TFDP2: variants seen among roughly 807,000 people sequenced by gnomAD.
TFDP2 encodes the protein transcription factor Dp-2 (E2F dimerization partner 2).
In TFDP2, 17 loss-of-function variants were observed where a neutral mutation model predicts 59.3. The observed-to-expected ratio is 0.29, with a 90% confidence interval of 0.20 to 0.43. The LOEUF (loss-of-function observed/expected upper bound fraction) is 0.43, where lower values mean the gene tolerates loss of function less well. TFDP2 is among the 20% of genes least tolerant of loss of function. The pLI is 1.00. For missense variants in TFDP2, 391 were observed against 528.8 expected (o/e 0.74, Z 2.56); for synonymous variants, 180 against 194.7 (o/e 0.92, Z 0.63).
chr3:142,069,256 G>A (rs143004048), intron 3 of TFDP2, among the ~76,000 whole-genome samples: 17 of 152,194 alleles, frequency 1.1e-4, no homozygotes, highest in Admixed American at 5.9e-4. Context: ...TTCTATATTT[G>A]TACATAGCCT....
intron 3 of TFDP2, among the ~76,000 whole-genome samples, chr3:142,006,540 GTCACTACAGGC>G (rs1005141149): frequency 2.0e-5 from 3 of 149,978 alleles, no homozygotes; most frequent in East Asian, 2.0e-4. Flanking sequence ...GCAATCACAG[GTCACTACAGGC>G]TCAAACTCCA....
At chr3:142,109,351 G>C (rs73233885) in intron 1 of TFDP2, among the ~76,000 whole-genome samples, 12,876 of 139,422 alleles carry the variant, frequency 0.092, 692 homozygotes, top group Middle Eastern at 0.16. Flanking sequence ...TTTTTTTTGA[G>C]ATGGAGTCTC....
intron 3 of TFDP2, among the ~76,000 whole-genome samples, chr3:142,074,403 T>G (rs917128114): frequency 3.4e-5 from 5 of 148,366 alleles, no homozygotes; most frequent in African/African-American, 7.5e-5. Context: ...AGTGAGATTC[T>G]ATCTCAAAAA....
At chr3:141,987,173 T>C (rs1326568364) in intron 6 of TFDP2, among the ~76,000 whole-genome samples, 1 of 152,188 alleles carries the variant, frequency 6.6e-6, no homozygotes, top group African/African-American at 2.4e-5. Context: ...CAATACTGAA[T>C]AGAGGTGGTG....
At chr3:142,073,540 A>T (rs1282896449) in intron 3 of TFDP2, among the ~76,000 whole-genome samples, 1 of 147,634 alleles carries the variant, frequency 6.8e-6, no homozygotes, top group Non-Finnish European at 1.5e-5. Context: ...CAAAAGCCAG[A>T]TTATATTGGA....
intron 8 of TFDP2, among the ~76,000 whole-genome samples, chr3:141,971,326 C>T (rs1223272696): frequency 7.2e-6 from 1 of 139,854 alleles, no homozygotes; most frequent in Non-Finnish European, 1.5e-5. Context: ...TCGAGACCAG[C>T]CTGGCCAAGA....
chr3:142,074,056 AT>A (rs1308139016), intron 3 of TFDP2, among the ~76,000 whole-genome samples: 3 of 152,250 alleles, frequency 2.0e-5, no homozygotes, highest in Non-Finnish European at 4.4e-5. Context: ...AACTACAGTA[AT>A]AAAAACATTA....
intron 4 of TFDP2, 50 bp from the exon 5 acceptor site, chr3:141,995,191 C>A: frequency 7.0e-7 from 1 of 1,428,312 alleles, no homozygotes; most frequent in Admixed American, 2.3e-5. Context: ...TTAAGAAAAG[C>A]CTACAGGCAG....
chr3:142,033,264 G>A (rs1176716046), intron 3 of TFDP2, among the ~76,000 whole-genome samples: 2 of 152,192 alleles, frequency 1.3e-5, no homozygotes, highest in African/African-American at 4.8e-5. Context: ...CACATGTCAA[G>A]TGCTCTATGG....
At chr3:142,094,968 A>G (rs1159762696) in intron 2 of TFDP2, among the ~76,000 whole-genome samples, 1 of 152,090 alleles carries the variant, frequency 6.6e-6, no homozygotes, top group Non-Finnish European at 1.5e-5. Flanking sequence ...TTATTGTTCT[A>G]AACACTGACT....
At chr3:142,027,967 G>A (rs11569174) in intron 3 of TFDP2, among the ~76,000 whole-genome samples, 1,632 of 152,138 alleles carry the variant, frequency 0.011, 29 homozygotes, top group African/African-American at 0.038. Context: ...GCCCCTTTAT[G>A]AGCAAACAAT....
At chr3:141,967,850 C>G (rs576574096) in intron 9 of TFDP2, among the ~76,000 whole-genome samples, 1 of 152,262 alleles carries the variant, frequency 6.6e-6, no homozygotes, top group Non-Finnish European at 1.5e-5. Context: ...TTGCATCAGG[C>G]ATCTAGAGAC....
At chr3:141,968,443 A>T (rs1225271790) in intron 9 of TFDP2, among the ~76,000 whole-genome samples, 1 of 116,730 alleles carries the variant, frequency 8.6e-6, no homozygotes, top group Non-Finnish European at 1.6e-5. Flanking sequence ...GATATATATA[A>T]CATATATATC....
In TFDP2 at chr3:141,952,443, TCAAAAA is replaced by T; in HGVS notation, c.*64_*69del. On this transcript the variant is annotated 3_prime_UTR_variant, in exon 13 of 13. Coordinates refer to ENST00000489671, the MANE Select transcript of TFDP2 (RefSeq NM_001178139.2). ...AAAGGCAAAGACTGAAGCAATCATT[TCAAAAA>T]CAAGAGCTCACACTACAAACACACA... 7.0e-7 allele frequency: 1 copy of T among 1,419,588 alleles called. No homozygotes were observed. Among genetic ancestry groups the T allele is most frequent in the Non-Finnish European group, 9.3e-7 (1 of 1,074,468 alleles). The allele number at this position is 1,419,588 out of a possible 1,614,324, so 87.9% of individuals were successfully genotyped here. A position where few individuals can be genotyped will look rare whatever the true frequency, so the allele number is the denominator to read the frequency against.
In TFDP2 at chr3:142,043,799, T is replaced by A. The variant is rs959888323; in HGVS notation, c.83-38255A>T. 2.5e-6 allele frequency: 4 copies of A among 1,595,242 alleles called. No individual in the cohort carries two copies. The African/African-American group carries it at 4.0e-5, about 16-fold the overall frequency. The stretch of plus-strand genomic sequence containing the variant: ...GCCTTCAGCTTGTGGATGTGCTCCA[T>A]GAGAATCCGCTTGTTTTTGAACACA... On this transcript the variant is annotated intron_variant, in intron 3 of 12. Transcript: ENST00000489671.
At chr3:142,125,827 C>T (rs1436410623) in intron 1 of TFDP2, among the ~76,000 whole-genome samples, 3 of 152,122 alleles carry the variant, frequency 2.0e-5, no homozygotes, top group Admixed American at 1.3e-4. Context: ...AGTAGGATGA[C>T]TCATGGCCTC....
chr3:141,971,919 T>C lies in TFDP2; in HGVS notation c.664-1778A>G, dbSNP rs1377003839. 4.6e-5 allele frequency among the ~76,000 whole-genome samples: 7 copies of C among 152,342 alleles called. No homozygotes were observed. The East Asian group carries it at 7.7e-4, about 17-fold the overall frequency. On this transcript the variant is annotated intron_variant, in intron 8 of 12. Transcript: ENST00000489671. ...TAGGAATACTCATTCTACTTACTAG[T>C]GAGGTGTTGCCAGATTCTAGAATCA... is the stretch of plus-strand genomic sequence containing the variant.
chr3:142,005,514 G>A lies in TFDP2; in HGVS notation c.113C>T (p.Ser38Phe). The change falls in exon 4 of 13, where the codon TCC (serine) becomes TTC (phenylalanine). Residue 38 changes from serine to phenylalanine, a missense_variant. Physicochemically the swap from Ser to Phe is radical, Grantham distance 155. Coordinates refer to ENST00000489671, the MANE Select transcript of TFDP2 (RefSeq NM_001178139.2). ...AATCTTTGTAGGTGAGTTGGTATTG[G>A]AAACTGGAAATGCAACAAATGAAAT... ...GNISFVAFPVSNTNSPTKILP... is the reference protein window; with the variant it reads ...GNISFVAFPVFNTNSPTKILP... The A allele has an allele frequency of 6.2e-7, 1 of 1,604,898 alleles. No homozygotes were observed. Among genetic ancestry groups the A allele is most frequent in the South Asian group, 1.1e-5 (1 of 90,036 alleles).
chr3:142,133,983 G>A (rs971355753), intron 1 of TFDP2, among the ~76,000 whole-genome samples: 6 of 151,486 alleles, frequency 4.0e-5, no homozygotes, highest in African/African-American at 9.7e-5. Flanking sequence ...GCAGTGAGCC[G>A]AGATCGCGCC....
Sources: allele counts gnomAD v4.1 joint callset (sites outside exome capture counted in the v4.1 genomes callset), GRCh38; gene constraint gnomAD v4.1.1; transcripts MANE v1.5; gene names NCBI Gene and HGNC (gene_info 2026-07-23, HGNC 2026-07-21).